The following SEC24D variants were observed in gnomAD, a reference collection of about 807,000 sequenced individuals.
SEC24D encodes the protein protein transport protein Sec24D.
Under a neutral mutation model 116.9 loss-of-function variants are expected in SEC24D, and 69 were observed. The ratio of observed to expected loss-of-function variants is 0.59; its 90% CI spans 0.49 to 0.72. The LOEUF (loss-of-function observed/expected upper bound fraction) is 0.72, where lower values mean the gene tolerates loss of function less well. Ranked by LOEUF, SEC24D falls within the 30% of genes least tolerant of loss-of-function variation. The pLI, the probability that SEC24D is intolerant of heterozygous loss-of-function variation, is 0.00. For missense variants in SEC24D, 1,131 were observed against 1,264.1 expected, an observed-to-expected ratio of 0.89 and a Z score of 1.60; for synonymous variants, 405 against 442.8, an observed-to-expected ratio of 0.91 and a Z score of 1.07.
chr4:118,730,855 C>G, intron 21 of SEC24D: 1 of 158,888 alleles, frequency 6.3e-6, no homozygotes, highest in South Asian at 1.8e-4. Context: ...TTTCTACATT[C>G]TTCTGAGTAT....
intron 3 of SEC24D, among the ~76,000 whole-genome samples, chr4:118,822,523 T>C (rs1578476174): frequency 6.6e-6 from 1 of 152,300 alleles, no homozygotes; most frequent in South Asian, 2.1e-4. Flanking sequence ...GTTCAATCTT[T>C]GCACTTCTTT....
intron 4 of SEC24D, 94 bp from the exon 5 acceptor site, chr4:118,815,820 C>T: frequency 7.2e-7 from 1 of 1,396,378 alleles, no homozygotes; most frequent in Non-Finnish European, 9.8e-7. Context: ...GTTTTCCTGA[C>T]ATAAAGCAAG....
At chr4:118,785,158 G>A (rs1384896666) in intron 8 of SEC24D, among the ~76,000 whole-genome samples, 6 of 152,050 alleles carry the variant, frequency 3.9e-5, no homozygotes, top group Non-Finnish European at 7.4e-5. Flanking sequence ...AACAGTTTTA[G>A]TATCAAATAT....
chr4:118,757,639 G>T, intron 11 of SEC24D, 82 bp downstream of exon 11: 2 of 1,307,518 alleles, frequency 1.5e-6, no homozygotes, highest in African/African-American at 1.5e-5. Context: ...AAAATCAATT[G>T]GTCATTCAGC....
At chr4:118,745,333 T>TA (rs35326952) in intron 13 of SEC24D, among the ~76,000 whole-genome samples, 5 of 152,148 alleles carry the variant, frequency 3.3e-5, no homozygotes, top group African/African-American at 4.8e-5. Flanking sequence ...CATAACACTT[T>TA]AAAAAAACTA....
intron 9 of SEC24D, 23 bp downstream of exon 9, chr4:118,768,150 G>T: frequency 6.3e-7 from 1 of 1,597,088 alleles, no homozygotes; most frequent in South Asian, 1.1e-5. Flanking sequence ...ATTTCACAAA[G>T]AGCTTTTAAT....
chr4:118,724,106 A>C lies in SEC24D; in HGVS notation c.2959-451T>G, dbSNP rs143053310. 1.2e-4 allele frequency among the ~76,000 whole-genome samples: 19 copies of C among 152,264 alleles called. No homozygotes were observed. The East Asian group carries it at 3.7e-3, about 29-fold the overall frequency. On this transcript the variant is annotated intron_variant, in intron 22 of 22. Transcript: ENST00000280551. ...GAAATGTGATCCAGTGAAGGTGCAG[A>C]AGAATGAAATGAGAGAGTTAAGTGG...
At chr4:118,785,307 T>G (rs58450672) in intron 8 of SEC24D, among the ~76,000 whole-genome samples, 46,850 of 152,104 alleles carry the variant, frequency 0.31, 8,406 homozygotes, top group East Asian at 0.45. Flanking sequence ...AATATCATAG[T>G]TAAATATTAT....
intron 2 of SEC24D, among the ~76,000 whole-genome samples, chr4:118,828,368 C>T (rs1730679536): frequency 6.6e-6 from 1 of 152,146 alleles, no homozygotes; most frequent in Admixed American, 6.5e-5. Flanking sequence ...CTCAGCCTCC[C>T]AAAGTGCTAG....
intron 22 of SEC24D, among the ~76,000 whole-genome samples, chr4:118,727,237 T>C (rs548526759): frequency 6.6e-6 from 1 of 152,338 alleles, no homozygotes; most frequent in South Asian, 2.1e-4. Flanking sequence ...GATGGATACA[T>C]TTGCAGATAG....
intron 3 of SEC24D, 86 bp from the exon 4 acceptor site, chr4:118,817,498 A>G: frequency 8.4e-7 from 1 of 1,195,428 alleles, no homozygotes; most frequent in Non-Finnish European, 1.1e-6. Flanking sequence ...GTAAAATTAA[A>G]TTAAGCCTGT....
intron 2 of SEC24D, chr4:118,825,733 C>A (rs1730568755): frequency 5.2e-6 from 2 of 382,684 alleles, no homozygotes. Flanking sequence ...GCTGTCTCCA[C>A]TTGCTTGTTT....
intron 10 of SEC24D, among the ~76,000 whole-genome samples, chr4:118,761,629 T>C (rs369876346): frequency 2.1e-4 from 32 of 152,190 alleles, no homozygotes; most frequent in African/African-American, 6.3e-4. Context: ...TTGTTTGGCA[T>C]AGTGTTTGAA....
At chr4:118,738,060 T>C (rs1477698083) in intron 19 of SEC24D, 1 of 492,568 alleles carries the variant, frequency 2.0e-6, no homozygotes, top group East Asian at 3.4e-5. Flanking sequence ...ACATCCATTT[T>C]TTTTGTTCAC....
At chr4:118,773,313 G>A (rs1178312316) in intron 8 of SEC24D, among the ~76,000 whole-genome samples, 1 of 152,050 alleles carries the variant, frequency 6.6e-6, no homozygotes, top group Non-Finnish European at 1.5e-5. Flanking sequence ...CCTACAATGG[G>A]ACCTAAATAA....
rs1204107640 is a variant in SEC24D at position 118,741,141 on chromosome 4, G to A, written c.1996-104C>T. 3.3e-5 allele frequency: 19 copies of A among 568,010 alleles called. No homozygotes were observed. The East Asian group carries it at 4.2e-4, about 13-fold the overall frequency. 35.2% of individuals were successfully genotyped at this position (568,010 alleles called of 1,614,324 possible). A position where few individuals can be genotyped will look rare whatever the true frequency, so the allele number is the denominator to read the frequency against. Reference sequence around the variant, plus strand: ...TTATAATAATTATTTTTAAAATCCCGATTTAGCATATTTTTTTATTATATA... The same window carrying A: ...TTATAATAATTATTTTTAAAATCCCAATTTAGCATATTTTTTTATTATATA... On this transcript the variant is annotated intron_variant, in intron 15 of 22. Coordinates refer to ENST00000280551, the MANE Select transcript of SEC24D (RefSeq NM_014822.4).
chr4:118,774,405 T>C (rs1222353887), intron 8 of SEC24D, among the ~76,000 whole-genome samples: 1 of 152,188 alleles, frequency 6.6e-6, no homozygotes, highest in Non-Finnish European at 1.5e-5. Context: ...TTATGGTCAC[T>C]TGTAGTTTAA....
rs138904691 is a variant in SEC24D at position 118,762,277 on chromosome 4, G to A, written c.1296+2525C>T. On this transcript the variant is annotated intron_variant, in intron 10 of 22. Transcript: ENST00000280551. Reference sequence around the variant, plus strand: ...GTTAATACTTGCTCATGTATACACAGTGTACTGATTAGAGAATAGGGCTTC... The same window carrying A: ...GTTAATACTTGCTCATGTATACACAATGTACTGATTAGAGAATAGGGCTTC... Among the ~76,000 whole-genome samples, 379 of 152,164 alleles carry A rather than the reference G, an allele frequency of 2.5e-3. 1 individual carries two copies. The highest frequency in any genetic ancestry group is 8.7e-3 in the African/African-American group (362 of 41,506).
chr4:118,823,805 C>T (rs767766761), intron 3 of SEC24D, among the ~76,000 whole-genome samples: 1 of 152,136 alleles, frequency 6.6e-6, no homozygotes, highest in Non-Finnish European at 1.5e-5. Context: ...GATTTATTTC[C>T]TGTGTTGTTT....
Sources: allele counts gnomAD v4.1 joint callset (sites outside exome capture counted in the v4.1 genomes callset), GRCh38; gene constraint gnomAD v4.1.1; transcripts MANE v1.5; gene names NCBI Gene and HGNC (gene_info 2026-07-23, HGNC 2026-07-21).